MYH10: variants seen among roughly 807,000 people sequenced by gnomAD.
The protein encoded by MYH10 is myosin-10.
A neutral mutation model predicts 257.8 loss-of-function variants in MYH10; 55 were observed. That is an observed-to-expected ratio of 0.21 (90% CI 0.17 to 0.27). The LOEUF (loss-of-function observed/expected upper bound fraction) is 0.27, where lower values mean the gene tolerates loss of function less well. Among genes scored for constraint, MYH10 ranks in the 10% least tolerant of loss-of-function variants. The pLI is 1.00. For synonymous variants in MYH10, 854 were observed against 921.7 expected (o/e 0.93, Z 1.33); for missense variants, 1,631 against 2,500.6 (o/e 0.65, Z 7.42).
At chr17:8,629,459 A>G (rs1028011921) in intron 1 of MYH10, among the ~76,000 whole-genome samples, 9 of 150,928 alleles carry the variant, frequency 6.0e-5, no homozygotes, top group Admixed American at 1.3e-4. Flanking sequence ...AAACCTCACC[A>G]GCCCGGTCTG....
chr17:8,520,324 G>A (rs151133860), intron 19 of MYH10, among the ~76,000 whole-genome samples: 5 of 152,028 alleles, frequency 3.3e-5, no homozygotes, highest in East Asian at 3.9e-4. Context: ...GTGAAACCCC[G>A]TCTCTACTAA....
At chr17:8,622,036 G>T (rs757348615) in intron 2 of MYH10, among the ~76,000 whole-genome samples, 2 of 152,130 alleles carry the variant, frequency 1.3e-5, no homozygotes, top group African/African-American at 2.4e-5. Flanking sequence ...CTGATTTACT[G>T]AAGTTTTGAA....
intron 1 of MYH10, 43 bp from the exon 2 acceptor site, chr17:8,623,320 A>G (rs2085539061): frequency 6.7e-7 from 1 of 1,482,586 alleles, no homozygotes; most frequent in African/African-American, 1.4e-5. Flanking sequence ...TTTAAGAAAC[A>G]AAAGAATGTA....
At position 8,546,625 on chromosome 17, in the gene MYH10, C is replaced by T. The variant is rs746523760; in HGVS notation, c.1197G>A (p.Val399=). The T allele has an allele frequency of 2.5e-6, 4 of 1,614,092 alleles. No homozygotes were observed. Among genetic ancestry groups the T allele is most frequent in the Non-Finnish European group, 3.4e-6 (4 of 1,179,994 alleles). ...QKLCHLLGMN[V]MEFTRAILTP... ...TCAGGATGGCCCGAGTAAACTCCATCACATTCATCCCAAGAAGATGGCAGA... is the reference window on the plus strand; with the variant it reads ...TCAGGATGGCCCGAGTAAACTCCATTACATTCATCCCAAGAAGATGGCAGA... Residue 399 remains valine, a synonymous_variant, in exon 12 of 43, where the codon GTG becomes GTA. Coordinates refer to ENST00000360416, the MANE Select transcript of MYH10 (RefSeq NM_001256012.3).
intron 7 of MYH10, among the ~76,000 whole-genome samples, chr17:8,555,573 T>A (rs2082765515): frequency 1.3e-5 from 2 of 152,242 alleles, no homozygotes; most frequent in South Asian, 4.1e-4. Flanking sequence ...TTGAAAAATA[T>A]GCAAAATGAA....
chr17:8,543,369 T>C (rs192365147), intron 13 of MYH10, among the ~76,000 whole-genome samples: 7 of 152,278 alleles, frequency 4.6e-5, no homozygotes, highest in Admixed American at 2.6e-4. Flanking sequence ...ACAAGCCTCA[T>C]ATTTACAGAC....
In MYH10 at chr17:8,480,133, C is replaced by T. The variant is rs757208625; in HGVS notation, c.5574G>A (p.Glu1858=). The change falls in exon 40 of 43, where the codon GAG becomes GAA. Residue 1858 remains glutamate (E), a synonymous_variant. Coordinates refer to ENST00000360416, the MANE Select transcript of MYH10 (RefSeq NM_001256012.3). The part of the protein sequence containing the change: ...SALEAKIGQL[E]EQLEQEAKER... ...ACTTGGCTTCCTGCTCAAGCTGCTC[C>T]TCCAGCTGCCCAATCTTGGCCTCCA... The T allele has an allele frequency of 4.0e-5, 64 of 1,614,118 alleles. 1 individual carries two copies. In the South Asian group the frequency reaches 6.4e-4, roughly 16 times the overall value.
At chr17:8,521,410 G>A in intron 17 of MYH10, 125 bp from the exon 18 acceptor site, 1 of 983,768 alleles carries the variant, frequency 1.0e-6, no homozygotes, top group Non-Finnish European at 1.5e-6. Flanking sequence ...TGCCATATAG[G>A]TAAGGCAGTC....
intron 28 of MYH10, 97 bp from the exon 29 acceptor site, chr17:8,501,067 C>G: frequency 7.9e-7 from 1 of 1,261,626 alleles, no homozygotes; most frequent in Non-Finnish European, 1.1e-6. Context: ...TTAAATATTA[C>G]ATAAATTCCC....
chr17:8,585,491 T>G (rs1442378476), intron 4 of MYH10, among the ~76,000 whole-genome samples: 2 of 151,800 alleles, frequency 1.3e-5, no homozygotes, highest in Non-Finnish European at 2.9e-5. Context: ...TCACACACAC[T>G]TGGAGTACTG....
At chr17:8,563,097 TA>T (rs1223935457) in intron 7 of MYH10, among the ~76,000 whole-genome samples, 2 of 152,240 alleles carry the variant, frequency 1.3e-5, no homozygotes, top group Non-Finnish European at 2.9e-5. Flanking sequence ...CAGTATGCAT[TA>T]AAACACATCA....
rs2085525897 is a variant in MYH10, at chr17:8,622,968, C to T, written c.279G>A (p.Leu93=). Reference sequence around the variant, plus strand: ...AAACGGAAGCTTCATTCAAGCATGTCAATTCTGCCATATCCTCCACCTTGG... The same window carrying T: ...AAACGGAAGCTTCATTCAAGCATGTTAATTCTGCCATATCCTCCACCTTGG... ...KFSKVEDMAE[L]TCLNEASVLH... Residue 93 remains leucine, a synonymous_variant, in exon 2 of 43, where the codon TTG becomes TTA. Transcript: ENST00000360416. The T allele has an allele frequency of 6.2e-7, 1 of 1,614,170 alleles. No homozygotes were observed. Among genetic ancestry groups the T allele is most frequent in the Non-Finnish European group, 8.5e-7 (1 of 1,180,020 alleles).
In MYH10 at chr17:8,501,289, T is replaced by TA. The variant is rs200597913; in HGVS notation, c.3600-320dup. ...GCCTGGGCGAGTGAGACCCTATCTTTAAAAAAAAACCAAAAAAACAAACAA... is the reference window on the plus strand; with the variant it reads ...GCCTGGGCGAGTGAGACCCTATCTTTAAAAAAAAAACCAAAAAAACAAACAA... On this transcript the variant is annotated intron_variant, in intron 28 of 42. Transcript: ENST00000360416. Among the ~76,000 whole-genome samples, 1,415 of 151,202 alleles carry TA rather than the reference T, an allele frequency of 9.4e-3. 11 individuals are homozygous for TA. Among genetic ancestry groups the TA allele is most frequent in the Non-Finnish European group, 0.015 (1,011 of 67,778 alleles).
At chr17:8,584,707 G>C (rs1446471850) in intron 4 of MYH10, among the ~76,000 whole-genome samples, 5 of 152,130 alleles carry the variant, frequency 3.3e-5, no homozygotes, top group Non-Finnish European at 7.4e-5. Context: ...CTCTGGGCCT[G>C]ATAATTTAAA....
chr17:8,494,781 G>A (rs1205455815), intron 31 of MYH10, among the ~76,000 whole-genome samples: 1 of 152,190 alleles, frequency 6.6e-6, no homozygotes, highest in Non-Finnish European at 1.5e-5. Flanking sequence ...AGGTCAGCAC[G>A]ATGAAATTCC....
chr17:8,556,488 A>T (rs1229297423), intron 7 of MYH10, among the ~76,000 whole-genome samples: 1 of 152,258 alleles, frequency 6.6e-6, no homozygotes, highest in Non-Finnish European at 1.5e-5. Context: ...TCTAAAAAGC[A>T]TTCTGCTGTG....
intron 14 of MYH10, among the ~76,000 whole-genome samples, chr17:8,538,750 A>G (rs1205420897): frequency 3.9e-5 from 6 of 152,184 alleles, no homozygotes; most frequent in African/African-American, 1.4e-4. Flanking sequence ...ACCTAGTTCT[A>G]CTCATTGCCC....
chr17:8,580,013 G>C (rs769150033), intron 4 of MYH10, among the ~76,000 whole-genome samples: 13 of 152,154 alleles, frequency 8.5e-5, no homozygotes, highest in Non-Finnish European at 1.8e-4. Flanking sequence ...TGTAATCCCA[G>C]CTACTCGGGA....
At chr17:8,577,510 G>T (rs1343750217) in intron 4 of MYH10, among the ~76,000 whole-genome samples, 172 bp from the exon 5 acceptor site, 6 of 152,144 alleles carry the variant, frequency 3.9e-5, no homozygotes. Context: ...CCTTGTAAGA[G>T]GTATTAAATA....
Sources: gnomAD v4.1 joint callset for allele counts (sites outside exome capture counted in the v4.1 genomes callset) on GRCh38, gnomAD v4.1.1 for gene constraint, MANE v1.5 for transcripts, NCBI Gene and HGNC (gene_info 2026-07-23, HGNC 2026-07-21) for gene names.